CACNA1C: variants seen among roughly 807,000 people sequenced by gnomAD.
CACNA1C encodes the protein calcium voltage-gated channel subunit alpha1 C, also known as voltage-dependent L-type calcium channel subunit alpha-1C.
A neutral mutation model predicts 229.0 loss-of-function variants in CACNA1C; 30 were observed. The ratio of observed to expected loss-of-function variants is 0.13; its 90% CI spans 0.10 to 0.18. The LOEUF is 0.18. CACNA1C is among the 10% of genes least tolerant of loss of function. The pLI is 1.00. For synonymous variants in CACNA1C, 1,114 were observed against 1,132.5 expected (o/e 0.98, Z 0.33); for missense variants, 1,658 against 2,845.0 (o/e 0.58, Z 9.49).
At position 2,691,034 on chromosome 12, in the gene CACNA1C, G is replaced by A; in HGVS notation, c.6252G>A (p.Gly2084=). The A allele has an allele frequency of 6.9e-6, 11 of 1,603,490 alleles. No individual in the cohort carries two copies. The highest frequency in any genetic ancestry group is 9.4e-6 in the Non-Finnish European group (11 of 1,175,300). Reference sequence around the variant, plus strand: ...GCGCGGCCGACAACATCCTCAGCGGGGGCGCCCCACAGAGCCCCAATGGCG... The same window carrying A: ...GCGCGGCCGACAACATCCTCAGCGGAGGCGCCCCACAGAGCCCCAATGGCG... ...MESAADNILS[G]GAPQSPNGAL... Residue 2084 remains glycine (G), a synonymous_variant, in exon 47 of 47, where the codon GGG becomes GGA. Transcript: ENST00000399655.
chr12:2,099,236 T>C (rs1188313912), intron 1 of CACNA1C, among the ~76,000 whole-genome samples: 1 of 152,200 alleles, frequency 6.6e-6, no homozygotes, highest in Non-Finnish European at 1.5e-5. Context: ...CTTGCCCATG[T>C]TTCTCAGCTA....
intron 3 of CACNA1C, among the ~76,000 whole-genome samples, chr12:2,424,500 A>G (rs1198148517): frequency 1.3e-5 from 2 of 152,134 alleles, no homozygotes; most frequent in South Asian, 2.1e-4. Context: ...AAAATATGTC[A>G]ACTGAATGTT....
At chr12:2,652,367 T>C (rs2095081455) in intron 32 of CACNA1C, among the ~76,000 whole-genome samples, 1 of 152,180 alleles carries the variant, frequency 6.6e-6, no homozygotes, top group Non-Finnish European at 1.5e-5. Flanking sequence ...AGAGTGACAA[T>C]CAGCCCCTGC....
Position 2,493,650 on chromosome 12 carries a change from G to A in CACNA1C, c.1113+264G>A, listed in dbSNP as rs2099740823. ...GTGCGTCCCACAGTGCAAAACCCTG[G>A]TGTGCAGGCATGGATGAGCTGGCCA... On this transcript the variant is annotated intron_variant, in intron 7 of 46. Transcript: ENST00000399655. This position sits in a 1 kb window ranked among gnomAD's most constrained non-coding sequence, Gnocchi z 4.6. Among the ~76,000 whole-genome samples the A allele has an allele frequency of 6.6e-6, 1 of 152,142 alleles. No homozygotes were observed. The highest frequency in any genetic ancestry group is 1.5e-5 in the Non-Finnish European group (1 of 68,018).
chr12:2,652,808 T>G (rs2095139797), intron 32 of CACNA1C, among the ~76,000 whole-genome samples: 1 of 152,214 alleles, frequency 6.6e-6, no homozygotes, highest in African/African-American at 2.4e-5. Context: ...TTCGGAATAG[T>G]AGACACCAGC....
At chr12:2,077,762 G>C (rs933665409) in intron 1 of CACNA1C, among the ~76,000 whole-genome samples, 2 of 152,146 alleles carry the variant, frequency 1.3e-5, no homozygotes, top group Admixed American at 1.3e-4. Flanking sequence ...TCAGAGAAGG[G>C]AGATGAGAAA....
chr12:2,527,529 C>G (rs1184222427), intron 9 of CACNA1C, among the ~76,000 whole-genome samples: 1 of 152,186 alleles, frequency 6.6e-6, no homozygotes, highest in Non-Finnish European at 1.5e-5. Context: ...TGTCCACTGT[C>G]AGTTATTATG....
chr12:2,528,907 G>C (rs1012581715), intron 9 of CACNA1C, among the ~76,000 whole-genome samples: 1 of 152,104 alleles, frequency 6.6e-6, no homozygotes, highest in Non-Finnish European at 1.5e-5. Flanking sequence ...GATGCCAAAA[G>C]GTCGCCCATT....
intron 3 of CACNA1C, among the ~76,000 whole-genome samples, chr12:2,190,742 C>T (rs2097185528): frequency 6.6e-6 from 1 of 152,138 alleles, no homozygotes; most frequent in Non-Finnish European, 1.5e-5. Context: ...CAGCTGGTGG[C>T]TTCACAGAGT....
At chr12:2,231,888 C>T (rs1194251004) in intron 3 of CACNA1C, among the ~76,000 whole-genome samples, 1 of 152,158 alleles carries the variant, frequency 6.6e-6, no homozygotes, top group East Asian at 1.9e-4. Context: ...TCAGCTGTGT[C>T]TATAAACACA....
Position 2,152,747 on chromosome 12 carries a change from AAC to A in CACNA1C, c.477+32321_477+32322del, listed in dbSNP as rs766186162. Among the ~76,000 whole-genome samples, 11 of 152,226 alleles carry A rather than the reference AAC, an allele frequency of 7.2e-5. No homozygotes were observed. The highest frequency in any genetic ancestry group is 2.6e-4 in the Admixed American group (4 of 15,284). ...TTGGATAAGTTGGCCAAGTTCAAGTAACACAAAAAAGTCAGGACATGGAACCA... is the reference window on the plus strand; with the variant it reads ...TTGGATAAGTTGGCCAAGTTCAAGTAACAAAAAAGTCAGGACATGGAACCA... On this transcript the variant is annotated intron_variant, in intron 3 of 46. Coordinates refer to ENST00000399655, the MANE Select transcript of CACNA1C (RefSeq NM_000719.7). This position sits in a 1 kb window ranked among gnomAD's most constrained non-coding sequence, Gnocchi z 4.2.
chr12:2,301,748 G>T (rs150818602), intron 3 of CACNA1C, among the ~76,000 whole-genome samples: 174 of 152,262 alleles, frequency 1.1e-3, no homozygotes, highest in Non-Finnish European at 2.1e-3. Context: ...GAGCCTGAAG[G>T]AGCCTTCCAT....
chr12:2,499,942 C>T (rs139221800), intron 7 of CACNA1C, among the ~76,000 whole-genome samples: 21 of 152,222 alleles, frequency 1.4e-4, no homozygotes, highest in Non-Finnish European at 1.9e-4. Context: ...ACTCAGCTGT[C>T]CCCCCAAAGT....
At chr12:2,642,563 C>A (rs2093840384) in intron 30 of CACNA1C, among the ~76,000 whole-genome samples, 1 of 152,202 alleles carries the variant, frequency 6.6e-6, no homozygotes, top group Non-Finnish European at 1.5e-5. Context: ...ATGGCCACTT[C>A]TGTTGATGCC....
chr12:2,526,286 G>A (rs1474773591), intron 9 of CACNA1C, among the ~76,000 whole-genome samples: 1 of 152,206 alleles, frequency 6.6e-6, no homozygotes, highest in East Asian at 1.9e-4. Context: ...CCTACCCCAT[G>A]TGGGGGCTGT....
chr12:2,063,455 A>G (rs2058271329), intron 1 of CACNA1C, among the ~76,000 whole-genome samples: 1 of 152,172 alleles, frequency 6.6e-6, no homozygotes, highest in South Asian at 2.1e-4. Context: ...AGCCAACAGC[A>G]ATAATAATTC....
At chr12:2,272,411 G>A (rs774723367) in intron 3 of CACNA1C, among the ~76,000 whole-genome samples, 5 of 152,080 alleles carry the variant, frequency 3.3e-5, no homozygotes, top group Admixed American at 6.5e-5. Context: ...CTGCTTCCCC[G>A]GCTGGTGTCT....
chr12:2,387,653 C>T (rs777001534), intron 3 of CACNA1C, among the ~76,000 whole-genome samples: 5 of 152,148 alleles, frequency 3.3e-5, no homozygotes, highest in Non-Finnish European at 7.4e-5. Context: ...CATGAAGGCT[C>T]CCCAGAGTAG....
At chr12:2,351,096 T>C (rs1246009715) in intron 3 of CACNA1C, among the ~76,000 whole-genome samples, 1 of 152,256 alleles carries the variant, frequency 6.6e-6, no homozygotes, top group Non-Finnish European at 1.5e-5. Context: ...TGGAAGTTTC[T>C]TGGCCTTGGC....
Sources: allele counts gnomAD v4.1 joint callset (sites outside exome capture counted in the v4.1 genomes callset), GRCh38; gene constraint gnomAD v4.1.1; non-coding constraint Gnocchi (gnomAD v3.1); transcripts MANE v1.5; gene names NCBI Gene and HGNC (gene_info 2026-07-23, HGNC 2026-07-21).